Variants in OSBPL9 observed in about 807,000 individuals in gnomAD.
OSBPL9 encodes the protein oxysterol-binding protein-related protein 9.
In OSBPL9, 40 loss-of-function variants were observed where a neutral mutation model predicts 106.6. That is an observed-to-expected ratio of 0.38 (90% CI 0.29 to 0.49). The LOEUF (loss-of-function observed/expected upper bound fraction) is 0.49, where lower values mean the gene tolerates loss of function less well. Among genes scored for constraint, OSBPL9 ranks in the 20% least tolerant of loss-of-function variants. The probability of loss-of-function intolerance (pLI) is 0.97; values close to 1 mark genes in which losing one functional copy is unlikely to be tolerated. For synonymous variants in OSBPL9, 269 were observed against 295.4 expected, an observed-to-expected ratio of 0.91 and a Z score of 0.92; for missense variants, 609 against 887.2, an observed-to-expected ratio of 0.69 and a Z score of 3.98.
the OSBPL9 span, among the ~76,000 whole-genome samples, chr1:51,555,240 C>T: frequency 6.6e-6 from 1 of 152,018 alleles, no homozygotes; most frequent in East Asian, 1.9e-4. Flanking sequence ...CCCTGTAATC[C>T]CAGAACTTTG....
chr1:51,720,615 G>A (rs540532398), intron 4 of OSBPL9, among the ~76,000 whole-genome samples: 36 of 151,442 alleles, frequency 2.4e-4, no homozygotes, highest in African/African-American at 8.0e-4. Flanking sequence ...GAGCCACCGC[G>A]CCTGACTGAC....
At chr1:51,610,025 G>C (rs1162506488) in intron 2 of OSBPL9, among the ~76,000 whole-genome samples, 1 of 152,062 alleles carries the variant, frequency 6.6e-6, no homozygotes, top group Non-Finnish European at 1.5e-5. Flanking sequence ...GGGATTACAG[G>C]TGTGAGTCAC....
chr1:51,634,735 A>G (rs1393003195), intron 1 of OSBPL9, among the ~76,000 whole-genome samples: 1 of 152,206 alleles, frequency 6.6e-6, no homozygotes, highest in African/African-American at 2.4e-5. Flanking sequence ...CGCCGCTGAC[A>G]GAGCCATACC....
At chr1:51,681,775 T>C (rs1169093141) in intron 3 of OSBPL9, among the ~76,000 whole-genome samples, 1 of 152,102 alleles carries the variant, frequency 6.6e-6, no homozygotes, top group Non-Finnish European at 1.5e-5. Context: ...TTATATAAAA[T>C]GGCACAGTAT....
chr1:51,772,188 T>C lies in OSBPL9; in HGVS notation c.1051+6T>C. The C allele has an allele frequency of 1.3e-6, 2 of 1,598,028 alleles. No individual in the cohort carries two copies. Among genetic ancestry groups the C allele is most frequent in the Middle Eastern group, 3.3e-4 (2 of 6,002 alleles). ...CAATGGAACAAGTGATGCTGGTAAG[T>C]GACCTTTGATAATTTAACTTTTTTT... On this transcript the variant is annotated splice_donor_region_variant and intron_variant, in intron 13 of 23. Transcript: ENST00000428468.
At chr1:51,732,308 C>T (rs549696269) in intron 4 of OSBPL9, among the ~76,000 whole-genome samples, 1 of 152,126 alleles carries the variant, frequency 6.6e-6, no homozygotes, top group Non-Finnish European at 1.5e-5. Context: ...ATGTTGAGTT[C>T]TATCTGTAGC....
intron 4 of OSBPL9, among the ~76,000 whole-genome samples, chr1:51,723,284 A>T (rs1238235956): frequency 6.6e-6 from 1 of 152,214 alleles, no homozygotes; most frequent in Admixed American, 6.5e-5. Context: ...CTAAAAATCC[A>T]GTGTGCTCCA....
At chr1:51,746,883 A>T (rs1668091474) in intron 6 of OSBPL9, 126 bp downstream of exon 6, 2 of 677,716 alleles carry the variant, frequency 3.0e-6, no homozygotes, top group Non-Finnish European at 4.9e-6. Context: ...TATTACTGCC[A>T]TATGGACCTC....
intron 21 of OSBPL9, 101 bp downstream of exon 21, chr1:51,785,987 C>T: frequency 1.0e-6 from 1 of 999,424 alleles, no homozygotes; most frequent in Non-Finnish European, 1.5e-6. Context: ...AATGCATTTC[C>T]TTCTACAGTA....
chr1:51,630,491 G>A (rs1173224594), intron 1 of OSBPL9, among the ~76,000 whole-genome samples: 2 of 151,816 alleles, frequency 1.3e-5, no homozygotes, highest in East Asian at 3.9e-4. Context: ...TCTAAGCATA[G>A]AAAAGATACA....
At chr1:51,550,544 G>A in the OSBPL9 span, among the ~76,000 whole-genome samples, 2 of 152,016 alleles carry the variant, frequency 1.3e-5, no homozygotes, top group Non-Finnish European at 2.9e-5. Flanking sequence ...ACGGAGTCTC[G>A]CTCTGTTACC....
chr1:51,676,949 A>G (rs1215820396), intron 3 of OSBPL9, among the ~76,000 whole-genome samples: 1 of 152,224 alleles, frequency 6.6e-6, no homozygotes, highest in African/African-American at 2.4e-5. Flanking sequence ...CAGGCACTGT[A>G]TAACAGGCAC....
the OSBPL9 span, chr1:51,519,064 A>G: frequency 1.9e-6 from 1 of 528,574 alleles, no homozygotes; most frequent in Non-Finnish European, 3.1e-6. Flanking sequence ...GCTTTCCCTC[A>G]CACACACCGG....
At chr1:51,532,171 A>C in the OSBPL9 span, among the ~76,000 whole-genome samples, 42,526 of 152,152 alleles carry the variant, frequency 0.28, 6,656 homozygotes, top group Middle Eastern at 0.39. Flanking sequence ...GAGGACTTGG[A>C]GTCAAGAAAA....
intron 1 of OSBPL9, among the ~76,000 whole-genome samples, chr1:51,647,242 G>A (rs900214602): frequency 7.2e-5 from 11 of 151,932 alleles, no homozygotes; most frequent in African/African-American, 2.7e-4. Context: ...TTTCTTATAC[G>A]TTGACTCAAC....
chr1:51,616,176 G>T (rs1255386188), upstream of OSBPL9, among the ~76,000 whole-genome samples: 2 of 152,076 alleles, frequency 1.3e-5, no homozygotes, highest in Admixed American at 1.3e-4. Flanking sequence ...GTAGAGATGG[G>T]CTTTTACCAT....
chr1:51,652,091 G>C, intron 2 of OSBPL9, 50 bp downstream of exon 2: 1 of 1,372,640 alleles, frequency 7.3e-7, no homozygotes, highest in Non-Finnish European at 1.0e-6. Flanking sequence ...GAAGAAAATT[G>C]TATTCTGATA....
intron 4 of OSBPL9, 61 bp from the exon 5 acceptor site, chr1:51,745,463 GGGAAAAGTATTT>G (rs762139813): frequency 4.3e-5 from 66 of 1,550,646 alleles, no homozygotes; most frequent in Non-Finnish European, 5.6e-5. Context: ...CATGTATGAA[GGGAAAAGTATTT>G]TTTGTACTAT....
chr1:51,785,515 G>T (rs747334122), intron 20 of OSBPL9: 10 of 383,180 alleles, frequency 2.6e-5, no homozygotes, highest in Non-Finnish European at 4.7e-5. Context: ...TCTCCACTAC[G>T]CTGTGAACAG....
Sources: gnomAD v4.1 joint callset for allele counts (sites outside exome capture counted in the v4.1 genomes callset) on GRCh38, gnomAD v4.1.1 for gene constraint, MANE v1.5 for transcripts, NCBI Gene and HGNC (gene_info 2026-07-23, HGNC 2026-07-21) for gene names.